The following COLEC12 variants were observed in gnomAD, a reference collection of about 807,000 sequenced individuals.
The protein encoded by COLEC12 is collectin-12.
In COLEC12, 33 loss-of-function variants were observed where a neutral mutation model predicts 71.1. The ratio of observed to expected loss-of-function variants is 0.46; its 90% CI spans 0.35 to 0.62. The LOEUF (loss-of-function observed/expected upper bound fraction) is 0.62. Ranked by LOEUF, COLEC12 falls within the 20% of genes least tolerant of loss-of-function variation. The probability of loss-of-function intolerance (pLI) is 0.00; values close to 1 mark genes in which losing one functional copy is unlikely to be tolerated. For synonymous variants in COLEC12, 350 were observed against 353.0 expected (o/e 0.99, Z 0.10); for missense variants, 765 against 916.1 (o/e 0.84, Z 2.13).
intron 2 of COLEC12, among the ~76,000 whole-genome samples, chr18:445,159 T>C (rs1916621731): frequency 6.6e-6 from 1 of 152,188 alleles, no homozygotes; most frequent in Non-Finnish European, 1.5e-5. Flanking sequence ...TACGGAGAAC[T>C]GACTGAAATG....
intron 9 of COLEC12, among the ~76,000 whole-genome samples, chr18:320,691 TAATTTTAGAAC>T (rs1660417313): frequency 6.6e-6 from 1 of 152,238 alleles, no homozygotes; most frequent in African/African-American, 2.4e-5. Context: ...CAATCTAATC[TAATTTTAGAAC>T]ATTTCCATCA....
intron 2 of COLEC12, among the ~76,000 whole-genome samples, chr18:448,241 T>C (rs921274725): frequency 6.6e-6 from 1 of 152,220 alleles, no homozygotes; most frequent in Non-Finnish European, 1.5e-5. Flanking sequence ...CTTTCCAAAA[T>C]GAATCAGGGT....
chr18:399,163 C>T lies in COLEC12; in HGVS notation c.59-41641G>A, dbSNP rs4798133. Among the ~76,000 whole-genome samples, 3 of 152,056 alleles carry T rather than the reference C, an allele frequency of 2.0e-5. No individual in the cohort carries two copies. In the East Asian group the frequency reaches 5.8e-4, roughly 29 times the overall value. ...AGGAACCAAAAACAACACAAAAAAA[C>T]CCCAATCTGAAACACTATCCAAAAA... On this transcript the variant is annotated intron_variant, in intron 2 of 9. Transcript: ENST00000400256. This position sits in a 1 kb window ranked among gnomAD's most constrained non-coding sequence, Gnocchi z 4.0.
Position 335,000 on chromosome 18 carries a change from G to C in COLEC12, c.1558C>G (p.Gln520Glu). 6.3e-7 allele frequency: 1 copy of C among 1,582,368 alleles called. No homozygotes were observed. The highest frequency in any genetic ancestry group is 8.5e-7 in the Non-Finnish European group (1 of 1,170,316). The change falls in exon 6 of 10, where the codon CAG becomes GAG. Residue 520 changes from glutamine (Q) to glutamate (E), a missense_variant. Physicochemically the swap from Gln to Glu is conservative, Grantham distance 29. Transcript: ENST00000400256. ...SRGSPGKPGP[Q>E]GSSGDPGPPG... ...GGGCCTGGGTCCCCACTGGAGCCCT[G>C]AGGGCCGGGCTTCCCAGGGGAACCA... is the stretch of plus-strand genomic sequence containing the variant.
At chr18:487,695 A>C (rs572214813) in intron 1 of COLEC12, among the ~76,000 whole-genome samples, 1 of 152,342 alleles carries the variant, frequency 6.6e-6, no homozygotes, top group East Asian at 1.9e-4. Flanking sequence ...CTCTTCTCCC[A>C]CTTAGCCAGA....
Position 500,654 on chromosome 18 carries a change from C to A in COLEC12, c.-140G>T. On this transcript the variant is annotated 5_prime_UTR_variant, in exon 1 of 10. Transcript: ENST00000400256. This position sits in a 1 kb window ranked among gnomAD's most constrained non-coding sequence, Gnocchi z 5.3. ...GGCCGTCTGCGCCCCCGTCCTCCCT[C>A]GCCGCCGCCGGCCCGCGCTCCCCGC... is the stretch of plus-strand genomic sequence containing the variant. The A allele has an allele frequency of 1.8e-6, 1 of 556,324 alleles. No individual in the cohort carries two copies. Among genetic ancestry groups the A allele is most frequent in the Non-Finnish European group, 2.4e-6 (1 of 410,364 alleles). 34.5% of individuals were successfully genotyped at this position (556,324 alleles called of 1,614,324 possible).
intron 2 of COLEC12, among the ~76,000 whole-genome samples, chr18:445,649 T>TTTTTTA (rs1916632375): frequency 6.6e-6 from 1 of 151,250 alleles, no homozygotes. Context: ...TTTTTTTTTT[T>TTTTTTA]GAGACAAGGT....
intron 2 of COLEC12, among the ~76,000 whole-genome samples, chr18:397,052 C>T (rs939077585): frequency 6.6e-6 from 1 of 152,176 alleles, no homozygotes. Context: ...GACCTTGTTG[C>T]TTTGTTGAGT....
At position 331,777 on chromosome 18, in the gene COLEC12, G is replaced by C. The variant is rs1411809261; in HGVS notation, c.1954C>G (p.Gln652Glu). Reference protein sequence around the residue: ...LVFINTREEQQWIKKQMVGRE... With the variant: ...LVFINTREEQEWIKKQMVGRE... ...CCTACCATCTGTTTTTTTATCCATT[G>C]CTGAAAAACAAAGCAGGGGTGGTGC... is the stretch of plus-strand genomic sequence containing the variant. Residue 652 changes from glutamine (Q) to glutamate (E), a missense_variant and splice_region_variant, in exon 8 of 10, where the codon CAA becomes GAA. Coordinates refer to ENST00000400256, the MANE Select transcript of COLEC12 (RefSeq NM_130386.3). 8 of 1,601,504 alleles carry C rather than the reference G, an allele frequency of 5.0e-6. No homozygotes were observed. Among genetic ancestry groups the C allele is most frequent in the Non-Finnish European group, 5.1e-6 (6 of 1,168,420 alleles).
At chr18:372,072 C>T (rs143685981) in intron 2 of COLEC12, among the ~76,000 whole-genome samples, 173 of 152,210 alleles carry the variant, frequency 1.1e-3, no homozygotes, top group African/African-American at 3.9e-3. Flanking sequence ...TGTGCAGTAC[C>T]AACACTGTGA....
At chr18:386,720 C>T (rs1409554128) in intron 2 of COLEC12, among the ~76,000 whole-genome samples, 1 of 152,180 alleles carries the variant, frequency 6.6e-6, no homozygotes, top group Non-Finnish European at 1.5e-5. Flanking sequence ...CCAGGCAGAC[C>T]TGAATTTGGA....
intron 2 of COLEC12, among the ~76,000 whole-genome samples, chr18:454,070 T>C (rs1916815575): frequency 6.6e-6 from 1 of 152,228 alleles, no homozygotes; most frequent in South Asian, 2.1e-4. Context: ...TTATGAAACA[T>C]ATCCGTTCTC....
Position 346,807 on chromosome 18 carries a change from T to C in COLEC12, c.815A>G (p.Asn272Ser), listed in dbSNP as rs1914386584. ...GTTGTTGGCTTTGGCCAACGCAGAG[T>C]TGTTGGCAGCCAGCGTCTGCAAGCT... Reference protein sequence around the residue: ...VQSLQTLAANNSALAKANNDT... With the variant: ...VQSLQTLAANSSALAKANNDT... Residue 272 changes from asparagine to serine, a missense_variant, in exon 5 of 10, where the codon AAC becomes AGC. Asn to Ser is a conservative substitution (Grantham distance 46, BLOSUM62 1). Coordinates refer to ENST00000400256, the MANE Select transcript of COLEC12 (RefSeq NM_130386.3). The surrounding 1 kb of genome is among the most constrained non-coding windows in gnomAD (Gnocchi z 4.0). 2 of 1,614,112 alleles carry C rather than the reference T, an allele frequency of 1.2e-6. No homozygotes were observed. The highest frequency in any genetic ancestry group is 1.7e-6 in the Non-Finnish European group (2 of 1,179,988).
intron 5 of COLEC12, among the ~76,000 whole-genome samples, chr18:338,038 C>G (rs963828043): frequency 1.3e-5 from 2 of 152,182 alleles, no homozygotes; most frequent in Non-Finnish European, 2.9e-5. Context: ...TCCACTTGCT[C>G]AAGAATATGC....
At chr18:340,074 CAA>C (rs60991743) in intron 5 of COLEC12, among the ~76,000 whole-genome samples, 24 of 94,198 alleles carry the variant, frequency 2.5e-4, no homozygotes, top group Admixed American at 3.8e-4. Flanking sequence ...TGCCTGAAAG[CAA>C]AAAAAAAAAA....
rs370859076 is a variant in COLEC12 at position 339,550 on chromosome 18, C to T, written c.1328-4320G>A. On this transcript the variant is annotated intron_variant, in intron 5 of 9. Coordinates refer to ENST00000400256, the MANE Select transcript of COLEC12 (RefSeq NM_130386.3). ...TGACTTCCCAGCAAATTTCCCCATCCGAAGTACTACATCTATCCTAAATAG... is the reference window on the plus strand; with the variant it reads ...TGACTTCCCAGCAAATTTCCCCATCTGAAGTACTACATCTATCCTAAATAG... 2.9e-4 allele frequency among the ~76,000 whole-genome samples: 39 copies of T among 136,492 alleles called. 1 individual carries two copies. The highest frequency in any genetic ancestry group is 8.7e-4 in the African/African-American group (35 of 40,072). 89.5% of individuals were successfully genotyped at this position (136,492 alleles called of 152,430 possible).
At chr18:451,525 A>C (rs1377418300) in intron 2 of COLEC12, among the ~76,000 whole-genome samples, 3 of 152,136 alleles carry the variant, frequency 2.0e-5, no homozygotes, top group Admixed American at 1.3e-4. Flanking sequence ...AGGTGGGTGG[A>C]TCACAAGGTC....
chr18:347,024 TA>T lies in COLEC12; in HGVS notation c.597del (p.His199GlnfsTer6). 1 of 1,614,184 alleles carries T rather than the reference TA, an allele frequency of 6.2e-7. No individual in the cohort carries two copies. Among genetic ancestry groups the T allele is most frequent in the Non-Finnish European group, 8.5e-7 (1 of 1,179,998 alleles). Reference sequence around the variant, plus strand: ...TTGTTGAGGTTCATGATGACCACATTATGAGAATACATTTGGTTCTGCAGAT... The same window carrying T: ...TTGTTGAGGTTCATGATGACCACATTTGAGAATACATTTGGTTCTGCAGAT... Reference protein sequence around the residue: ...QGNLQNQMYSHNVVIMNLNNL... With the variant: ...QGNLQNQMYSXNVVIMNLNNL... On this transcript the variant is annotated frameshift_variant, in exon 5 of 10. Transcript: ENST00000400256. LOFTEE classifies it high-confidence loss of function.
intron 5 of COLEC12, among the ~76,000 whole-genome samples, chr18:342,375 C>T (rs1914275082): frequency 6.6e-6 from 1 of 152,270 alleles, no homozygotes; most frequent in South Asian, 2.1e-4. Context: ...CTGCCTTCGG[C>T]ACAGTCAGTC....
Sources: allele counts gnomAD v4.1 joint callset (sites outside exome capture counted in the v4.1 genomes callset), GRCh38; gene constraint gnomAD v4.1.1; non-coding constraint Gnocchi (gnomAD v3.1); transcripts MANE v1.5; gene names NCBI Gene and HGNC (gene_info 2026-07-23, HGNC 2026-07-21).